PMFBP1: variants seen among roughly 807,000 people sequenced by gnomAD.
PMFBP1 encodes polyamine modulated factor 1 binding protein 1, also known as polyamine-modulated factor 1-binding protein 1.
A neutral mutation model predicts 137.8 loss-of-function variants in PMFBP1; 131 were observed. The observed-to-expected ratio is 0.95, with a 90% CI of 0.82 to 1.10. PMFBP1 has a LOEUF of 1.10. PMFBP1 is among the 50% of genes least tolerant of loss of function. PMFBP1 has a pLI of 0.00. For synonymous variants in PMFBP1, 490 were observed against 450.4 expected, an observed-to-expected ratio of 1.09 and a Z score of -1.11; for missense variants, 1,199 against 1,175.4, an observed-to-expected ratio of 1.02 and a Z score of -0.29.
chr16:72,166,052 G>T (rs140206708), intron 2 of PMFBP1, among the ~76,000 whole-genome samples: 4 of 152,048 alleles, frequency 2.6e-5, no homozygotes, highest in Non-Finnish European at 5.9e-5. Flanking sequence ...TCACTGTGCC[G>T]GCTTTCTACA....
chr16:72,172,274 C>G (rs927568383), upstream of PMFBP1: 1 of 151,924 alleles, frequency 6.6e-6, no homozygotes, highest in African/African-American at 2.4e-5. Context: ...GGCTCAGGCT[C>G]ACCTGGTGGG....
At chr16:72,147,593 C>T (rs1008585979) in intron 5 of PMFBP1, among the ~76,000 whole-genome samples, 34 of 152,152 alleles carry the variant, frequency 2.2e-4, no homozygotes, top group Middle Eastern at 3.4e-3. Context: ...AGGCAACCTA[C>T]GGATTGGGAG....
At chr16:72,137,608 C>T (rs1381410679) in intron 7 of PMFBP1, among the ~76,000 whole-genome samples, 1 of 152,118 alleles carries the variant, frequency 6.6e-6, no homozygotes, top group Non-Finnish European at 1.5e-5. Flanking sequence ...GCAAGTGCGG[C>T]TGGCACGGAG....
chr16:72,197,632 C>G, the PMFBP1 span, among the ~76,000 whole-genome samples: 3 of 152,128 alleles, frequency 2.0e-5, no homozygotes, highest in Non-Finnish European at 4.4e-5. Flanking sequence ...TGGGGTCAGC[C>G]TTGGAATCCC....
In PMFBP1 at chr16:72,164,753, A is replaced by C; in HGVS notation, c.165+11T>G. On this transcript the variant is annotated intron_variant, in intron 3 of 20. Coordinates refer to ENST00000237353, the MANE Select transcript of PMFBP1 (RefSeq NM_031293.3). ...AGAGCAGGGGTGAGCGGCTGCTGCC[A>C]AGTCCCTTACGTGGCTGCTGTTCAT... 4 of 1,580,706 alleles carry C rather than the reference A, an allele frequency of 2.5e-6. No individual in the cohort carries two copies. Among genetic ancestry groups the C allele is most frequent in the Non-Finnish European group, 3.5e-6 (4 of 1,157,376 alleles).
At chr16:72,146,928 C>A (rs1259133705) in intron 5 of PMFBP1, among the ~76,000 whole-genome samples, 1 of 152,144 alleles carries the variant, frequency 6.6e-6, no homozygotes, top group African/African-American at 2.4e-5. Context: ...GAATCAATAT[C>A]ATGAAAATGG....
chr16:72,216,651 C>A, the PMFBP1 span, among the ~76,000 whole-genome samples: 1 of 152,118 alleles, frequency 6.6e-6, no homozygotes, highest in African/African-American at 2.4e-5. Flanking sequence ...GGTTTGTAAA[C>A]AGAAATAAAT....
intron 8 of PMFBP1, 36 bp downstream of exon 8, chr16:72,136,657 C>CTGGA: frequency 6.2e-7 from 1 of 1,614,088 alleles, no homozygotes; most frequent in African/African-American, 1.3e-5. Flanking sequence ...AGGCTTCCTT[C>CTGGA]TGGCTCCCCT....
chr16:72,146,190 T>C (rs1289078350), intron 5 of PMFBP1, among the ~76,000 whole-genome samples: 1 of 152,220 alleles, frequency 6.6e-6, no homozygotes, highest in Non-Finnish European at 1.5e-5. Context: ...TCAAGTCGGC[T>C]TCATCTTTGG....
intron 7 of PMFBP1, among the ~76,000 whole-genome samples, chr16:72,137,802 T>C (rs1000419914): frequency 4.0e-5 from 6 of 151,716 alleles, no homozygotes; most frequent in African/African-American, 1.5e-4. Flanking sequence ...ATCGGGGATA[T>C]TGGGGAGAGT....
In PMFBP1 at chr16:72,130,241, T is replaced by A; in HGVS notation, c.1754A>T (p.Asn585Ile). Residue 585 changes from asparagine to isoleucine, a missense_variant, in exon 12 of 21, where the codon AAT (asparagine) becomes ATT (isoleucine). Transcript: ENST00000237353. ...GTGCTTGATACGATCAAGCATGTCA[T>A]TCATTTTCATATCCTGCTCAGCCAC... ...KTVAEQDMKMNDMLDRIKHQH... is the reference protein window; with the variant it reads ...KTVAEQDMKMIDMLDRIKHQH... 6.2e-7 allele frequency: 1 copy of A among 1,614,014 alleles called. No individual in the cohort carries two copies. The highest frequency in any genetic ancestry group is 8.5e-7 in the Non-Finnish European group (1 of 1,180,034).
chr16:72,154,084 G>T, intron 4 of PMFBP1, 127 bp downstream of exon 4: 3 of 1,281,312 alleles, frequency 2.3e-6, no homozygotes, highest in Non-Finnish European at 3.2e-6. Context: ...AAGGGGGAAG[G>T]TTTATAAAAC....
At chr16:72,241,202 T>A in the PMFBP1 span, among the ~76,000 whole-genome samples, 1 of 152,120 alleles carries the variant, frequency 6.6e-6, no homozygotes, top group South Asian at 2.1e-4. Flanking sequence ...CACCGACCAC[T>A]GAAACAGCCA....
At chr16:72,235,035 T>C in the PMFBP1 span, among the ~76,000 whole-genome samples, 2 of 152,136 alleles carry the variant, frequency 1.3e-5, no homozygotes, top group Non-Finnish European at 1.5e-5. Context: ...AGCACAAAAG[T>C]TTTTAATTTT....
chr16:72,228,514 G>A, the PMFBP1 span, among the ~76,000 whole-genome samples: 1 of 152,112 alleles, frequency 6.6e-6, no homozygotes, highest in African/African-American at 2.4e-5. Flanking sequence ...AGGATACCTG[G>A]TCAAGTTCTC....
upstream of PMFBP1, chr16:72,172,548 C>G (rs2043231974): frequency 6.6e-6 from 1 of 151,074 alleles, no homozygotes. Flanking sequence ...CTTCTGCTCA[C>G]ATTTCATTAG....
intron 9 of PMFBP1, 54 bp downstream of exon 9, chr16:72,136,394 A>G: frequency 6.3e-7 from 1 of 1,578,678 alleles, no homozygotes; most frequent in Non-Finnish European, 8.6e-7. Flanking sequence ...TAATGCCAGG[A>G]CATGGCCTCA....
the PMFBP1 span, among the ~76,000 whole-genome samples, chr16:72,189,269 T>A: frequency 6.6e-6 from 1 of 152,188 alleles, no homozygotes; most frequent in Non-Finnish European, 1.5e-5. Context: ...GAACCAGGAT[T>A]TGAACTCACA....
rs768608301 is a variant in PMFBP1, at chr16:72,130,652, T to C, written c.1518A>G (p.Lys506=). Residue 506 remains lysine, a synonymous_variant, in exon 11 of 21, where the codon AAA becomes AAG. Coordinates refer to ENST00000237353, the MANE Select transcript of PMFBP1 (RefSeq NM_031293.3). ...TGTCCAGGAGGAGACCCTTCTGCAGTTTCCTCTGGGTGTCCTCCAGGTGAC... is the reference window on the plus strand; with the variant it reads ...TGTCCAGGAGGAGACCCTTCTGCAGCTTCCTCTGGGTGTCCTCCAGGTGAC... ...AGCHLEDTQR[K]LQKGLLLDKQ... 1.2e-6 allele frequency: 2 copies of C among 1,613,938 alleles called. No homozygotes were observed. The highest frequency in any genetic ancestry group is 4.5e-5 in the East Asian group (2 of 44,858).
Sources: allele counts gnomAD v4.1 joint callset (sites outside exome capture counted in the v4.1 genomes callset), GRCh38; gene constraint gnomAD v4.1.1; transcripts MANE v1.5; gene names NCBI Gene and HGNC (gene_info 2026-07-23, HGNC 2026-07-21).